Variants in NEGR1 observed in about 807,000 individuals in gnomAD.
NEGR1 encodes the protein IgLON family member 4.
In NEGR1, 10 loss-of-function variants were observed where a neutral mutation model predicts 40.9. The ratio of observed to expected loss-of-function variants is 0.24; its 90% CI spans 0.15 to 0.42. The LOEUF is 0.42. NEGR1 is among the 10% of genes least tolerant of loss of function. The probability of loss-of-function intolerance (pLI) is 1.00; values close to 1 mark genes in which losing one functional copy is unlikely to be tolerated. For missense variants in NEGR1, 352 were observed against 438.9 expected, an observed-to-expected ratio of 0.80 and a Z score of 1.77; for synonymous variants, 185 against 166.8, an observed-to-expected ratio of 1.11 and a Z score of -0.84.
intron 2 of NEGR1, among the ~76,000 whole-genome samples, chr1:71,839,444 C>G (rs763920906): frequency 6.6e-6 from 1 of 151,758 alleles, no homozygotes; most frequent in Admixed American, 6.6e-5. Flanking sequence ...CTCCGGACCT[C>G]AGGCGATCCA....
intron 1 of NEGR1, among the ~76,000 whole-genome samples, chr1:71,938,761 T>C (rs72680811): frequency 1.6e-4 from 25 of 152,186 alleles, no homozygotes; most frequent in Non-Finnish European, 2.6e-4. Context: ...TTAGCAAGGA[T>C]GATAAAGCAT....
chr1:72,063,246 C>T (rs1417681975), intron 1 of NEGR1, among the ~76,000 whole-genome samples: 8 of 151,750 alleles, frequency 5.3e-5, no homozygotes, highest in Non-Finnish European at 1.2e-4. Flanking sequence ...TTTTCTAATC[C>T]TCTAAATTTC....
chr1:71,749,658 A>G (rs532352462), intron 3 of NEGR1, among the ~76,000 whole-genome samples: 1 of 152,296 alleles, frequency 6.6e-6, no homozygotes, highest in South Asian at 2.1e-4. Flanking sequence ...TTAGGTAAGA[A>G]CAACCAGCTC....
intron 1 of NEGR1, among the ~76,000 whole-genome samples, chr1:72,185,211 G>T (rs1221202777): frequency 2.0e-5 from 3 of 151,408 alleles, no homozygotes; most frequent in Non-Finnish European, 4.4e-5. Context: ...TTTGTAACTA[G>T]ATTAATCTTA....
At chr1:72,189,011 T>C (rs935376698) in intron 1 of NEGR1, among the ~76,000 whole-genome samples, 17 of 151,538 alleles carry the variant, frequency 1.1e-4, no homozygotes, top group Non-Finnish European at 2.4e-4. Flanking sequence ...TGTGAAAGTA[T>C]ATTGTATTTT....
rs1200960208 is a variant in NEGR1, at chr1:71,688,327, TAGATAG to T, written c.667+9675_667+9680del. On this transcript the variant is annotated intron_variant, in intron 4 of 6. Transcript: ENST00000357731. The stretch of plus-strand genomic sequence containing the variant: ...CCCTTTTCATATATATATATATATA[TAGATAG>T]ATAGATAGATAGATAGATAGATTAT... Among the ~76,000 whole-genome samples, 700 of 97,728 alleles carry T rather than the reference TAGATAG, an allele frequency of 7.2e-3. 57 individuals carry two copies. The highest frequency in any genetic ancestry group is 0.023 in the African/African-American group (617 of 26,520). 64.1% of individuals were successfully genotyped at this position (97,728 alleles called of 152,430 possible).
intron 1 of NEGR1, among the ~76,000 whole-genome samples, chr1:72,206,241 T>A (rs1653392796): frequency 6.6e-6 from 1 of 151,966 alleles, no homozygotes; most frequent in Non-Finnish European, 1.5e-5. Context: ...AAACATCAAA[T>A]ACACATTATT....
intron 1 of NEGR1, among the ~76,000 whole-genome samples, chr1:72,136,831 T>A (rs907905370): frequency 1.3e-4 from 20 of 151,814 alleles, no homozygotes; most frequent in African/African-American, 4.6e-4. Context: ...TGGGAGAAAA[T>A]TTTTGAAATC....
chr1:71,669,772 T>A (rs1006869787), intron 4 of NEGR1, among the ~76,000 whole-genome samples: 8 of 152,152 alleles, frequency 5.3e-5, no homozygotes, highest in Admixed American at 2.0e-4. Context: ...TGCCTCAGCC[T>A]CCTGAGTAGC....
chr1:72,264,542 A>ATTAG (rs112066239), intron 1 of NEGR1, among the ~76,000 whole-genome samples: 14,810 of 67,692 alleles, frequency 0.22, 2,446 homozygotes, highest in African/African-American at 0.44. Flanking sequence ...ACTATAAATG[A>ATTAG]TTATATTTTG....
At chr1:71,935,364 A>C in intron 1 of NEGR1, 53 bp from the exon 2 acceptor site, 5 of 1,245,254 alleles carry the variant, frequency 4.0e-6, no homozygotes, top group Non-Finnish European at 5.9e-6. Flanking sequence ...ATGAGAGACA[A>C]CATTATTTTG....
At chr1:71,896,278 T>A (rs551790671) in intron 2 of NEGR1, among the ~76,000 whole-genome samples, 5 of 152,266 alleles carry the variant, frequency 3.3e-5, no homozygotes, top group African/African-American at 4.8e-5. Context: ...CTTCAAGTGA[T>A]CCACCCGCCT....
At chr1:71,571,627 C>CA (rs1016344731) in intron 6 of NEGR1, among the ~76,000 whole-genome samples, 2 of 151,560 alleles carry the variant, frequency 1.3e-5, no homozygotes, top group African/African-American at 4.8e-5. Flanking sequence ...ACGTCTCTAC[C>CA]AAAAATACAA....
intron 6 of NEGR1, among the ~76,000 whole-genome samples, chr1:71,564,989 T>A (rs1051991597): frequency 6.6e-6 from 1 of 152,160 alleles, no homozygotes; most frequent in Admixed American, 6.6e-5. Context: ...AGAGTAACTA[T>A]CAATTAGATA....
At chr1:71,774,587 CAT>C (rs1167976982) in intron 3 of NEGR1, among the ~76,000 whole-genome samples, 2 of 152,068 alleles carry the variant, frequency 1.3e-5, no homozygotes, top group Non-Finnish European at 2.9e-5. Context: ...AGATAAAATA[CAT>C]GTTTCAATTG....
At chr1:72,165,521 A>G (rs1399069431) in intron 1 of NEGR1, among the ~76,000 whole-genome samples, 1 of 151,984 alleles carries the variant, frequency 6.6e-6, no homozygotes, top group Non-Finnish European at 1.5e-5. Context: ...CATTACAAAT[A>G]GTGTTTCCTT....
chr1:71,997,197 C>T (rs1467315443), intron 1 of NEGR1, among the ~76,000 whole-genome samples: 1 of 151,984 alleles, frequency 6.6e-6, no homozygotes, highest in Non-Finnish European at 1.5e-5. Context: ...TCATTTTACC[C>T]ATAAATTTCT....
chr1:72,184,412 A>C (rs1277958319), intron 1 of NEGR1, among the ~76,000 whole-genome samples: 1 of 152,048 alleles, frequency 6.6e-6, no homozygotes, highest in East Asian at 1.9e-4. Context: ...CAAAGGAAAA[A>C]TGTGCAAGAG....
At chr1:71,991,164 G>A (rs1049049255) in intron 1 of NEGR1, among the ~76,000 whole-genome samples, 3 of 151,948 alleles carry the variant, frequency 2.0e-5, no homozygotes, top group Non-Finnish European at 4.4e-5. Flanking sequence ...AAGGACTATT[G>A]CAATTACTTC....
Sources: allele counts gnomAD v4.1 joint callset (sites outside exome capture counted in the v4.1 genomes callset), GRCh38; gene constraint gnomAD v4.1.1; transcripts MANE v1.5; gene names NCBI Gene and HGNC (gene_info 2026-07-23, HGNC 2026-07-21).